Variants in SPDL1 observed in about 807,000 individuals in gnomAD.
SPDL1 encodes the protein spindle apparatus coiled-coil protein 1, also known as protein Spindly.
A neutral mutation model predicts 79.5 loss-of-function variants in SPDL1; 85 were observed. The observed-to-expected ratio is 1.07, with a 90% confidence interval of 0.90 to 1.28. The LOEUF (loss-of-function observed/expected upper bound fraction) is 1.28, where lower values mean the gene tolerates loss of function less well. Ranked by LOEUF, SPDL1 falls within the 50% of genes most tolerant of loss-of-function variation. The pLI is 0.00. For missense variants in SPDL1, 703 were observed against 697.8 expected, an observed-to-expected ratio of 1.01 and a Z score of -0.08; for synonymous variants, 269 against 240.3, an observed-to-expected ratio of 1.12 and a Z score of -1.10.
intron 4 of SPDL1, 81 bp from the exon 5 acceptor site, chr5:169,594,063 AC>A: frequency 8.4e-7 from 1 of 1,194,078 alleles, no homozygotes; most frequent in Non-Finnish European, 1.2e-6. Flanking sequence ...TTGGATGTGA[AC>A]CACAACTGAG....
chr5:169,586,159 T>C (rs998228082), intron 1 of SPDL1: 3 of 152,302 alleles, frequency 2.0e-5, no homozygotes, highest in African/African-American at 7.2e-5. Flanking sequence ...CCATTCTCTC[T>C]TGAAGGCATT....
Position 169,596,491 on chromosome 5 carries a change from A to T in SPDL1, c.892-70A>T. ...TAATATAGTACAAATTATGAATTGT[A>T]TCAAAAAAGTAGTTATCAGAATCTT... On this transcript the variant is annotated intron_variant, in intron 7 of 11. Transcript: ENST00000265295. 4.6e-6 allele frequency: 6 copies of T among 1,313,892 alleles called. No individual in the cohort carries two copies. The South Asian group carries it at 7.5e-5, about 16-fold the overall frequency. The allele number at this position is 1,313,892 out of a possible 1,614,324, so 81.4% of individuals were successfully genotyped here. A position where few individuals can be genotyped will look rare whatever the true frequency, so the allele number is the denominator to read the frequency against.
At position 169,599,155 on chromosome 5, in the gene SPDL1, T is replaced by A. The variant is rs368603567; in HGVS notation, c.1320T>A (p.Pro440=). Residue 440 remains proline, a synonymous_variant, in exon 10 of 12, where the codon CCT becomes CCA. Transcript: ENST00000265295. The part of the protein sequence containing the change: ...KLDELKLKYE[P]EETVEVPVLK... ...ATGAATTGAAACTAAAATATGAACC[T>A]GAAGGTATATATGTCTCATATATTT... is the stretch of plus-strand genomic sequence containing the variant. The A allele has an allele frequency of 4.0e-6, 6 of 1,499,024 alleles. No individual in the cohort carries two copies. The highest frequency in any genetic ancestry group is 4.6e-6 in the Non-Finnish European group (5 of 1,097,314). The allele number at this position is 1,499,024 out of a possible 1,614,324, so 92.9% of individuals were successfully genotyped here.
At chr5:169,599,185 C>CT (rs1454141877) in intron 10 of SPDL1, 26 bp downstream of exon 10, 1 of 1,319,480 alleles carries the variant, frequency 7.6e-7, no homozygotes, top group African/African-American at 1.5e-5. Flanking sequence ...ATATTTTTGT[C>CT]TTTTAAATTA....
chr5:169,595,382 G>C (rs1755535760), intron 7 of SPDL1: 1 of 152,188 alleles, frequency 6.6e-6, no homozygotes, highest in Admixed American at 6.5e-5. Flanking sequence ...ATTAAATTTG[G>C]GAGTTAGGTG....
At chr5:169,588,265 TAGTC>T in intron 1 of SPDL1, 125 bp from the exon 2 acceptor site, 4 of 581,706 alleles carry the variant, frequency 6.9e-6, no homozygotes, top group Non-Finnish European at 1.1e-5. Flanking sequence ...GACTACTTAT[TAGTC>T]AGGAAGAAAA....
In SPDL1 at chr5:169,592,805, CTT is replaced by C. The variant is rs11301691; in HGVS notation, c.337-528_337-527del. On this transcript the variant is annotated intron_variant, in intron 3 of 11. Coordinates refer to ENST00000265295, the MANE Select transcript of SPDL1 (RefSeq NM_017785.5). ...GAGGTAAGGCTAATTATAGAGATGG[CTT>C]TTTTTTTTTTTTTTTTTTTTGGTGG... Among the ~76,000 whole-genome samples the C allele has an allele frequency of 4.0e-3, 344 of 85,002 alleles. 2 individuals are homozygous for C. The highest frequency in any genetic ancestry group is 9.9e-3 in the African/African-American group (226 of 22,718). The allele number at this position is 85,002 out of a possible 152,430, so 55.8% of individuals were successfully genotyped here.
intron 1 of SPDL1, chr5:169,585,959 C>T (rs1561865052): frequency 6.6e-6 from 1 of 152,266 alleles, no homozygotes; most frequent in Non-Finnish European, 1.5e-5. Context: ...AGGGACATCA[C>T]TAGCAATTCT....
At position 169,594,314 on chromosome 5, in the gene SPDL1, A is replaced by T. The variant is rs1165403279; in HGVS notation, c.681+20A>T. 1 of 1,612,954 alleles carries T rather than the reference A, an allele frequency of 6.2e-7. No homozygotes were observed. The highest frequency in any genetic ancestry group is 1.1e-5 in the South Asian group (1 of 90,990). On this transcript the variant is annotated intron_variant, in intron 5 of 11. Transcript: ENST00000265295. ...CTAGAGGTACTATGATTACAGTAAC[A>T]TCATGTTTTCCAATTTATCATAACT...
In SPDL1 at chr5:169,593,550, T is replaced by C. The variant is rs1409967687; in HGVS notation, c.531+2T>C. On this transcript the variant is annotated splice_donor_variant, in intron 4 of 11. Coordinates refer to ENST00000265295, the MANE Select transcript of SPDL1 (RefSeq NM_017785.5). LOFTEE classifies it high-confidence loss of function. ...CTGACAGAAATGGAGAGTATGAAGGTAATTTTTATGGCATGTGTTTCTCAG... is the reference window on the plus strand; with the variant it reads ...CTGACAGAAATGGAGAGTATGAAGGCAATTTTTATGGCATGTGTTTCTCAG... 3 of 1,573,126 alleles carry C rather than the reference T, an allele frequency of 1.9e-6. No homozygotes were observed. The highest frequency in any genetic ancestry group is 2.6e-6 in the Non-Finnish European group (3 of 1,162,626).
chr5:169,591,351 C>G, intron 3 of SPDL1, 127 bp downstream of exon 3: 2 of 872,198 alleles, frequency 2.3e-6, no homozygotes, highest in Non-Finnish European at 3.5e-6. Context: ...TCTTCATTAT[C>G]TTAATATTGG....
chr5:169,599,038 G>A lies in SPDL1; in HGVS notation c.1203G>A (p.Gln401=). 6.3e-7 allele frequency: 1 copy of A among 1,594,636 alleles called. No individual in the cohort carries two copies. The highest frequency in any genetic ancestry group is 8.6e-7 in the Non-Finnish European group (1 of 1,166,632). The change falls in exon 10 of 12, where the codon CAG becomes CAA. Residue 401 remains glutamine (Q), a synonymous_variant. Coordinates refer to ENST00000265295, the MANE Select transcript of SPDL1 (RefSeq NM_017785.5). ...IQRMKALFES[Q]RALDIERKLF... is the part of the protein sequence containing the mutation. ...GAATGAAAGCATTATTTGAGAGCCAGCGGGCTCTAGATATTGAGCGAAAAC... is the reference window on the plus strand; with the variant it reads ...GAATGAAAGCATTATTTGAGAGCCAACGGGCTCTAGATATTGAGCGAAAAC...
At position 169,588,447 on chromosome 5, in the gene SPDL1, T is replaced by C. The variant is rs748385429; in HGVS notation, c.31T>C (p.Cys11Arg). ...GGCAGATATAATCACAAATCTTCGA[T>C]GCAGGCTCAAAGAGGCTGAAGAAGA... MEADIITNLR[C>R]RLKEAEEERL... The change falls in exon 2 of 12, where the codon TGC becomes CGC. Residue 11 changes from cysteine to arginine, a missense_variant. By Grantham distance (180) the Cys-to-Arg change is radical. Transcript: ENST00000265295. 1.2e-6 allele frequency: 2 copies of C among 1,612,662 alleles called. No individual in the cohort carries two copies. The highest frequency in any genetic ancestry group is 1.3e-5 in the African/African-American group (1 of 74,834).
At chr5:169,592,713 A>G (rs1755359506) in intron 3 of SPDL1, among the ~76,000 whole-genome samples, 1 of 147,160 alleles carries the variant, frequency 6.8e-6, no homozygotes. Flanking sequence ...TCTGGTTGTT[A>G]TTTTTATTTT....
At chr5:169,593,618 T>A (rs1755419175) in intron 4 of SPDL1, 70 bp downstream of exon 4, 3 of 1,428,818 alleles carry the variant, frequency 2.1e-6, no homozygotes, top group Non-Finnish European at 2.8e-6. Flanking sequence ...CATGTTTTGG[T>A]AATAATTCTT....
intron 1 of SPDL1, chr5:169,587,383 G>T (rs1426857696): frequency 6.6e-6 from 1 of 152,212 alleles, no homozygotes; most frequent in Non-Finnish European, 1.5e-5. Context: ...GTGAGTTTGA[G>T]TCTCGCTTAG....
At chr5:169,590,228 T>C (rs1026270169) in intron 2 of SPDL1, among the ~76,000 whole-genome samples, 1 of 152,206 alleles carries the variant, frequency 6.6e-6, no homozygotes, top group South Asian at 2.1e-4. Context: ...TAAAAATAAC[T>C]AGTGATGGCA....
At chr5:169,599,950 T>C (rs998193910) in intron 10 of SPDL1, among the ~76,000 whole-genome samples, 8 of 152,096 alleles carry the variant, frequency 5.3e-5, no homozygotes, top group African/African-American at 1.9e-4. Context: ...ATGAAACATA[T>C]TAGGGAATAT....
At chr5:169,589,138 T>G (rs1037546762) in intron 2 of SPDL1, among the ~76,000 whole-genome samples, 13 of 152,208 alleles carry the variant, frequency 8.5e-5, no homozygotes, top group Non-Finnish European at 2.9e-5. Context: ...AATCTAGAAC[T>G]TTTAGTCAAT....
Sources: gnomAD v4.1 joint callset for allele counts (sites outside exome capture counted in the v4.1 genomes callset) on GRCh38, gnomAD v4.1.1 for gene constraint, MANE v1.5 for transcripts, NCBI Gene and HGNC (gene_info 2026-07-23, HGNC 2026-07-21) for gene names.